CSMD1: variants seen among roughly 807,000 people sequenced by gnomAD.
CSMD1 encodes CUB and Sushi multiple domains 1.
Under a neutral mutation model 417.5 loss-of-function variants are expected in CSMD1, and 213 were observed. The ratio of observed to expected loss-of-function variants is 0.51; its 90% CI spans 0.46 to 0.57. The LOEUF is 0.57. Ranked by LOEUF, CSMD1 falls within the 20% of genes least tolerant of loss-of-function variation. The pLI, the probability that CSMD1 is intolerant of heterozygous loss-of-function variation, is 0.00. For missense variants in CSMD1, 6,923 were observed against 4,529.7 expected, an observed-to-expected ratio of 1.53 and a Z score of -15.17; for synonymous variants, 2,862 against 1,736.8, an observed-to-expected ratio of 1.65 and a Z score of -16.11.
At chr8:4,621,765 C>T (rs1763932581) in intron 2 of CSMD1, among the ~76,000 whole-genome samples, 2 of 151,980 alleles carry the variant, frequency 1.3e-5, no homozygotes, top group South Asian at 2.1e-4. Context: ...TATACAGACA[C>T]AAATATTTTA....
chr8:4,825,974 T>A (rs1438743960), intron 1 of CSMD1, among the ~76,000 whole-genome samples: 1 of 151,968 alleles, frequency 6.6e-6, no homozygotes, highest in African/African-American at 2.4e-5. Context: ...TAATTTTTTT[T>A]TAAAAAAAGA....
At chr8:4,825,307 G>A (rs1799761914) in intron 1 of CSMD1, among the ~76,000 whole-genome samples, 1 of 152,028 alleles carries the variant, frequency 6.6e-6, no homozygotes, top group African/African-American at 2.4e-5. Context: ...ACTATTAGCT[G>A]TCAGTGTTTT....
intron 9 of CSMD1, among the ~76,000 whole-genome samples, chr8:3,579,341 A>AT (rs5888972): frequency 0.41 from 62,358 of 151,878 alleles, 13,036 homozygotes; most frequent in Middle Eastern, 0.47. Context: ...CTTACTTAAT[A>AT]AAAGTAATAA....
chr8:4,809,889 C>A (rs574136541), intron 1 of CSMD1, among the ~76,000 whole-genome samples: 3 of 152,160 alleles, frequency 2.0e-5, no homozygotes, highest in Non-Finnish European at 4.4e-5. Flanking sequence ...TTAAACAGTG[C>A]CATTCAAATC....
In CSMD1 at chr8:4,391,830, T is replaced by C. The variant is rs1422243088; in HGVS notation, c.415+28123A>G. Among the ~76,000 whole-genome samples the C allele has an allele frequency of 2.0e-5, 3 of 152,202 alleles. No individual in the cohort carries two copies. The East Asian group carries it at 5.8e-4, about 29-fold the overall frequency. On this transcript the variant is annotated intron_variant, in intron 3 of 69. Coordinates refer to ENST00000635120, the MANE Select transcript of CSMD1 (RefSeq NM_033225.6). The stretch of plus-strand genomic sequence containing the variant: ...ATCATGGCAGCTGCCTTGCTTGTTC[T>C]GGCAAACCTGAGTCAATAGCCTCTG...
intron 5 of CSMD1, among the ~76,000 whole-genome samples, chr8:3,918,052 A>G (rs945649652): frequency 4.0e-4 from 61 of 151,996 alleles, no homozygotes; most frequent in African/African-American, 1.4e-3. Flanking sequence ...GGGGTGAGTA[A>G]TATTTCATTG....
At chr8:3,362,612 CTGTTATATGAACTGAAGACTCT>C (rs1175031826) in intron 20 of CSMD1, among the ~76,000 whole-genome samples, 1 of 152,104 alleles carries the variant, frequency 6.6e-6, no homozygotes, top group Non-Finnish European at 1.5e-5. Flanking sequence ...TAATATGATC[CTGTTATATGAACTGAAGACTCT>C]TGTCAATCAC....
At chr8:4,259,409 C>G (rs1803716817) in intron 3 of CSMD1, among the ~76,000 whole-genome samples, 1 of 152,124 alleles carries the variant, frequency 6.6e-6, no homozygotes, top group Non-Finnish European at 1.5e-5. Context: ...TAGCTTCATT[C>G]ATTTCATAAT....
At chr8:4,152,875 A>T (rs1796643500) in intron 3 of CSMD1, among the ~76,000 whole-genome samples, 2 of 152,170 alleles carry the variant, frequency 1.3e-5, no homozygotes, top group South Asian at 4.1e-4. Context: ...TGAGAAATTA[A>T]CATCAAATTA....
intron 4 of CSMD1, among the ~76,000 whole-genome samples, chr8:4,006,246 G>C (rs1319966393): frequency 1.3e-5 from 2 of 152,154 alleles, no homozygotes; most frequent in Admixed American, 6.5e-5. Context: ...GCAGGAGTAA[G>C]GATCATTCAC....
At chr8:4,638,428 C>G (rs914245928) in intron 1 of CSMD1, among the ~76,000 whole-genome samples, 4 of 152,088 alleles carry the variant, frequency 2.6e-5, no homozygotes, top group Non-Finnish European at 1.5e-5. Context: ...GGAAGCTTAT[C>G]AAGTTGAAAA....
chr8:4,061,778 G>C (rs1054380594), intron 3 of CSMD1, among the ~76,000 whole-genome samples: 2 of 152,132 alleles, frequency 1.3e-5, no homozygotes, highest in African/African-American at 2.4e-5. Flanking sequence ...ACCTAAAAAG[G>C]AGTTCTCCAT....
chr8:4,556,491 C>T (rs967724020), intron 2 of CSMD1, among the ~76,000 whole-genome samples: 12 of 152,212 alleles, frequency 7.9e-5, no homozygotes, highest in African/African-American at 2.9e-4. Flanking sequence ...AGGAAAGTCT[C>T]GAGCAGCACC....
intron 22 of CSMD1, among the ~76,000 whole-genome samples, 163 bp downstream of exon 22, chr8:3,347,829 G>A (rs1808113206): frequency 1.3e-5 from 2 of 152,212 alleles, no homozygotes; most frequent in Middle Eastern, 3.4e-3. Flanking sequence ...TAAGCGAAGT[G>A]ACATTACACC....
At position 4,532,254 on chromosome 8, in the gene CSMD1, C is replaced by T. The variant is rs183710072; in HGVS notation, c.302+105088G>A. Among the ~76,000 whole-genome samples the T allele has an allele frequency of 6.4e-3, 963 of 150,478 alleles. 9 individuals carry two copies. The highest frequency in any genetic ancestry group is 0.05 in the East Asian group (248 of 4,926). On this transcript the variant is annotated intron_variant, in intron 2 of 69. Coordinates refer to ENST00000635120, the MANE Select transcript of CSMD1 (RefSeq NM_033225.6). ...CTCCGGAAGAGAAATCCTGCACCCC[C>T]ATTCACAGTCACTCCAGAAAAGAAA...
At chr8:4,829,737 CAAAAAAAA>C (rs11290763) in intron 1 of CSMD1, among the ~76,000 whole-genome samples, 2 of 110,002 alleles carry the variant, frequency 1.8e-5, no homozygotes, top group African/African-American at 6.9e-5. Context: ...GACCCTGTCT[CAAAAAAAA>C]AAAAAAAAAA....
intron 3 of CSMD1, among the ~76,000 whole-genome samples, chr8:4,361,171 G>C (rs746383293): frequency 6.6e-6 from 1 of 152,118 alleles, no homozygotes; most frequent in Non-Finnish European, 1.5e-5. Flanking sequence ...GGCTAAATTA[G>C]ACTTATTAAG....
At chr8:4,873,415 T>C (rs1456620803) in intron 1 of CSMD1, among the ~76,000 whole-genome samples, 2 of 152,124 alleles carry the variant, frequency 1.3e-5, no homozygotes, top group African/African-American at 4.8e-5. Flanking sequence ...GGAAATCAAC[T>C]AAGACTCTAG....
intron 68 of CSMD1, among the ~76,000 whole-genome samples, chr8:2,946,995 T>G (rs1013571313): frequency 1.3e-5 from 2 of 152,226 alleles, no homozygotes; most frequent in African/African-American, 4.8e-5. Flanking sequence ...CATCTTTTCA[T>G]GGGCTTATCG....
Sources: allele counts gnomAD v4.1 joint callset (sites outside exome capture counted in the v4.1 genomes callset), GRCh38; gene constraint gnomAD v4.1.1; transcripts MANE v1.5; gene names NCBI Gene and HGNC (gene_info 2026-07-23, HGNC 2026-07-21).